Variants in CBFA2T3 observed in about 807,000 individuals in gnomAD.
The protein encoded by CBFA2T3 is CBFA2/RUNX1 partner transcriptional co-repressor 3.
In CBFA2T3, 31 loss-of-function variants were observed where a neutral mutation model predicts 58.6. The observed-to-expected ratio is 0.53, with a 90% confidence interval of 0.40 to 0.71. The LOEUF is 0.71. Ranked by LOEUF, CBFA2T3 falls within the 30% of genes least tolerant of loss-of-function variation. The probability of loss-of-function intolerance (pLI) is 0.00; values close to 1 mark genes in which losing one functional copy is unlikely to be tolerated. For missense variants in CBFA2T3, 1,076 were observed against 963.1 expected, an observed-to-expected ratio of 1.12 and a Z score of -1.55; for synonymous variants, 531 against 421.9, an observed-to-expected ratio of 1.26 and a Z score of -3.17.
chr16:88,878,981 C>T (rs376518824), intron 11 of CBFA2T3, among the ~76,000 whole-genome samples: 6 of 152,288 alleles, frequency 3.9e-5, no homozygotes, highest in African/African-American at 1.4e-4. Context: ...GGGCTCGAGT[C>T]CTGGCCCCAC....
chr16:88,975,506 G>T (rs748440977), intron 1 of CBFA2T3, among the ~76,000 whole-genome samples: 2 of 152,234 alleles, frequency 1.3e-5, no homozygotes, highest in Admixed American at 1.3e-4. Context: ...GGAAGCACCC[G>T]GCCCAAGGCC....
intron 1 of CBFA2T3, among the ~76,000 whole-genome samples, chr16:88,935,987 T>A (rs866308691): frequency 6.6e-6 from 1 of 152,030 alleles, no homozygotes; most frequent in African/African-American, 2.4e-5. Flanking sequence ...CCCATCCCCC[T>A]CCCCGCTGCC....
chr16:88,934,767 T>G (rs1289028896), intron 1 of CBFA2T3, among the ~76,000 whole-genome samples: 1 of 151,536 alleles, frequency 6.6e-6, no homozygotes. Flanking sequence ...GGAGACGGAG[T>G]CTCGCTCTGT....
intron 8 of CBFA2T3, 63 bp downstream of exon 8, chr16:88,882,613 T>G: frequency 1.0e-6 from 1 of 1,004,940 alleles, no homozygotes; most frequent in Non-Finnish European, 1.5e-6. Flanking sequence ...TGCGTGGCTG[T>G]GTGTGTGCGT....
intron 3 of CBFA2T3, among the ~76,000 whole-genome samples, chr16:88,893,024 G>A (rs905808239): frequency 2.6e-5 from 4 of 152,166 alleles, no homozygotes; most frequent in African/African-American, 7.2e-5. Context: ...TCCACACGTC[G>A]GGGGCTTGAT....
chr16:88,908,341 CAA>C (rs758798172), intron 1 of CBFA2T3, among the ~76,000 whole-genome samples: 21 of 128,856 alleles, frequency 1.6e-4, no homozygotes, highest in Non-Finnish European at 1.3e-4. Flanking sequence ...GACTCTGTTT[CAA>C]AAAAAAAAAA....
At chr16:88,945,957 A>G (rs1429346478) in intron 1 of CBFA2T3, among the ~76,000 whole-genome samples, 2 of 152,250 alleles carry the variant, frequency 1.3e-5, no homozygotes, top group African/African-American at 4.8e-5. Flanking sequence ...ACTGTGGCAT[A>G]TGTAGACGAT....
At chr16:88,928,365 G>A (rs1348304119) in intron 1 of CBFA2T3, among the ~76,000 whole-genome samples, 1 of 152,218 alleles carries the variant, frequency 6.6e-6, no homozygotes, top group Non-Finnish European at 1.5e-5. Flanking sequence ...GGTCTGTGAG[G>A]GAGTCACAAC....
In CBFA2T3 at chr16:88,876,802, T is replaced by G; in HGVS notation, c.*174A>C. 1.9e-6 allele frequency: 1 copy of G among 527,608 alleles called. No individual in the cohort carries two copies. The highest frequency in any genetic ancestry group is 3.2e-6 in the Non-Finnish European group (1 of 310,820). 32.7% of individuals were successfully genotyped at this position (527,608 alleles called of 1,614,324 possible). On this transcript the variant is annotated 3_prime_UTR_variant, in exon 12 of 12. Coordinates refer to ENST00000268679, the MANE Select transcript of CBFA2T3 (RefSeq NM_005187.6). ...TGAATGCGGTTTTGTTGGTTCTGTG[T>G]CTTCTTTCGGAGAGGGGCAGTAGCA...
chr16:88,954,528 C>T (rs1467443764), intron 1 of CBFA2T3, among the ~76,000 whole-genome samples: 1 of 120,388 alleles, frequency 8.3e-6, no homozygotes, highest in African/African-American at 3.8e-5. Flanking sequence ...AGGCTCCTGA[C>T]TCCACCCAAG....
intron 5 of CBFA2T3, among the ~76,000 whole-genome samples, chr16:88,889,591 TCA>T (rs1356057339): frequency 2.0e-5 from 3 of 152,070 alleles, no homozygotes; most frequent in East Asian, 1.9e-4. Flanking sequence ...ACCCAGAGCC[TCA>T]GTTTCCCCAC....
Position 88,958,877 on chromosome 16 carries a change from C to T in CBFA2T3, c.151+17780G>A, listed in dbSNP as rs116128471. Among the ~76,000 whole-genome samples the T allele has an allele frequency of 6.6e-6, 1 of 152,174 alleles. No homozygotes were observed. The highest frequency in any genetic ancestry group is 1.5e-5 in the Non-Finnish European group (1 of 68,020). ...CCTAGGGGTATGGTCAGAGTGGGAC[C>T]CTGTACCGCCTCTGCCGCCCTTTTC... On this transcript the variant is annotated intron_variant, in intron 1 of 11. Coordinates refer to ENST00000268679, the MANE Select transcript of CBFA2T3 (RefSeq NM_005187.6). This position sits in a 1 kb window ranked among gnomAD's most constrained non-coding sequence, Gnocchi z 4.0.
rs1445359552 is a variant in CBFA2T3 at position 88,885,103 on chromosome 16, G to C, written c.1060C>G (p.Arg354Gly). 4 of 1,602,292 alleles carry C rather than the reference G, an allele frequency of 2.5e-6. No individual in the cohort carries two copies. The African/African-American group carries it at 4.0e-5, about 16-fold the overall frequency. ...LEDIAMAHHF[R>G]DAYRHPDPRE... ...GGGTCTGGGTGGCGGTAGGCATCTC[G>C]GAAGTGGTGGGCCATGGCTATGTCC... The change falls in exon 7 of 12, where the codon CGA becomes GGA. Residue 354 changes from arginine to glycine, a missense_variant. Physicochemically the swap from Arg to Gly is moderately radical, Grantham distance 125. Transcript: ENST00000268679. The surrounding 1 kb of genome is among the most constrained non-coding windows in gnomAD (Gnocchi z 5.3).
Position 88,876,996 on chromosome 16 carries a change from G to A in CBFA2T3, c.1942C>T (p.Leu648=). 2 of 1,461,904 alleles carry A rather than the reference G, an allele frequency of 1.4e-6. No homozygotes were observed. Among genetic ancestry groups the A allele is most frequent in the Non-Finnish European group, 9.0e-7 (1 of 1,112,584 alleles). The allele number at this position is 1,461,904 out of a possible 1,614,324, so 90.6% of individuals were successfully genotyped here. A position where few individuals can be genotyped will look rare whatever the true frequency, so the allele number is the denominator to read the frequency against. The change falls in exon 12 of 12, where the codon CTG becomes TTG. Residue 648 remains leucine, a synonymous_variant. Transcript: ENST00000268679. ...TGGGGTCAGCGGGGCACGGTGTCCAGTGGGCCAGGTGGGCTGGGGGAGCCG... is the reference window on the plus strand; with the variant it reads ...TGGGGTCAGCGGGGCACGGTGTCCAATGGGCCAGGTGGGCTGGGGGAGCCG... ...RPGSPSPPGP[L]DTVPR is the part of the protein sequence containing the mutation.
intron 1 of CBFA2T3, chr16:88,951,606 G>A (rs988586584): frequency 1.7e-5 from 6 of 363,042 alleles, no homozygotes; most frequent in African/African-American, 4.3e-5. Context: ...GCTCCAGCTC[G>A]GGTCACAGAC....
At chr16:88,948,288 C>T (rs1971958059) in intron 1 of CBFA2T3, among the ~76,000 whole-genome samples, 2 of 152,256 alleles carry the variant, frequency 1.3e-5, no homozygotes, top group African/African-American at 4.8e-5. Flanking sequence ...CAGCAGGTTG[C>T]AGCAGAGACA....
chr16:88,923,102 C>T (rs477639), intron 1 of CBFA2T3, among the ~76,000 whole-genome samples: 47,274 of 152,064 alleles, frequency 0.31, 7,481 homozygotes, highest in Middle Eastern at 0.44. Flanking sequence ...CTCCCCAATT[C>T]GCCAAATGTG....
chr16:88,967,762 T>A (rs1972551470), intron 1 of CBFA2T3, among the ~76,000 whole-genome samples: 1 of 152,186 alleles, frequency 6.6e-6, no homozygotes, highest in Admixed American at 6.5e-5. Flanking sequence ...GCACACTGCC[T>A]GGGGGCTCGT....
intron 3 of CBFA2T3, among the ~76,000 whole-genome samples, chr16:88,897,370 G>C (rs577511889): frequency 1.8e-4 from 27 of 152,386 alleles, no homozygotes; most frequent in Admixed American, 4.6e-4. Context: ...ATGCTGCCAG[G>C]CTGGCTGGTA....
Sources: allele counts gnomAD v4.1 joint callset (sites outside exome capture counted in the v4.1 genomes callset), GRCh38; gene constraint gnomAD v4.1.1; non-coding constraint Gnocchi (gnomAD v3.1); transcripts MANE v1.5; gene names NCBI Gene and HGNC (gene_info 2026-07-23, HGNC 2026-07-21).